The following PARP14 variants were observed in gnomAD, a reference collection of about 807,000 sequenced individuals.
PARP14 encodes protein mono-ADP-ribosyltransferase PARP14.
PARP14 carries 59 observed loss-of-function variants against 154.2 expected under a neutral mutation model. The observed-to-expected ratio is 0.38, with a 90% confidence interval of 0.31 to 0.48. The LOEUF (loss-of-function observed/expected upper bound fraction) is 0.48, where lower values mean the gene tolerates loss of function less well. Among genes scored for constraint, PARP14 ranks in the 20% least tolerant of loss-of-function variants. The pLI, the probability that PARP14 is intolerant of heterozygous loss-of-function variation, is 0.98. For synonymous variants in PARP14, 720 were observed against 780.5 expected (o/e 0.92, Z 1.29); for missense variants, 1,734 against 2,131.6 (o/e 0.81, Z 3.67).
At position 122,730,251 on chromosome 3, in the gene PARP14, A is replaced by C. The variant is rs1933393224; in HGVS notation, c.*1654A>C. The C allele has an allele frequency of 6.6e-6, 1 of 152,238 alleles. No homozygotes were observed. The highest frequency in any genetic ancestry group is 2.4e-5 in the African/African-American group (1 of 41,444). 9.4% of individuals were successfully genotyped at this position (152,238 alleles called of 1,614,324 possible). ...CACTGCAGAACATGGCCTCTAGATTAATGCCACCGATTCAGGAACACCTCC... is the reference window on the plus strand; with the variant it reads ...CACTGCAGAACATGGCCTCTAGATTCATGCCACCGATTCAGGAACACCTCC... On this transcript the variant is annotated 3_prime_UTR_variant, in exon 17 of 17. Transcript: ENST00000474629.
Position 122,701,076 on chromosome 3 carries a change from C to T in PARP14, c.2522C>T (p.Ala841Val), listed in dbSNP as rs758397415. 6.2e-7 allele frequency: 1 copy of T among 1,613,990 alleles called. No homozygotes were observed. The highest frequency in any genetic ancestry group is 1.1e-5 in the South Asian group (1 of 91,088). Residue 841 changes from alanine to valine, a missense_variant, in exon 6 of 17, where the codon GCT becomes GTT. Ala to Val is a moderately conservative substitution (Grantham distance 64). Around this residue, in one of 2 missense-constraint regions of PARP14, gnomAD observed 1,646 missense variants for 1,976.0 expected, o/e 0.83. Coordinates refer to ENST00000474629, the MANE Select transcript of PARP14 (RefSeq NM_017554.3). This position sits in a 1 kb window ranked among gnomAD's most constrained non-coding sequence, Gnocchi z 4.0. ...GGLAAALSKA[A>V]GPELQADCDQ... ...CTGGCCGCTGCGCTCTCAAAAGCAG[C>T]TGGCCCTGAGCTCCAGGCCGACTGT...
intron 1 of PARP14, among the ~76,000 whole-genome samples, chr3:122,682,590 T>C (rs911237720): frequency 6.6e-6 from 1 of 152,186 alleles, no homozygotes; most frequent in African/African-American, 2.4e-5. Context: ...AATTTTGTGA[T>C]GATAAAATAA....
intron 1 of PARP14, among the ~76,000 whole-genome samples, 168 bp from the exon 2 acceptor site, chr3:122,685,017 T>G (rs1433225804): frequency 6.6e-6 from 1 of 152,224 alleles, no homozygotes; most frequent in African/African-American, 2.4e-5. Flanking sequence ...GAAATTCAAA[T>G]CCATGTTTGC....
At chr3:122,691,450 G>A (rs149841407) in intron 3 of PARP14, among the ~76,000 whole-genome samples, 39 of 152,306 alleles carry the variant, frequency 2.6e-4, no homozygotes, top group East Asian at 5.8e-4. Flanking sequence ...AGCGGGCTTC[G>A]TATACAGCAG....
At chr3:122,685,128 T>A in intron 1 of PARP14, 57 bp from the exon 2 acceptor site, 13 of 1,595,180 alleles carry the variant, frequency 8.1e-6, no homozygotes, top group Non-Finnish European at 1.1e-5. Flanking sequence ...CATAGAATAA[T>A]TTTGTAAATA....
chr3:122,684,424 T>G (rs148850189), intron 1 of PARP14, among the ~76,000 whole-genome samples: 1 of 152,178 alleles, frequency 6.6e-6, no homozygotes, highest in African/African-American at 2.4e-5. Context: ...TTCTTGAGGA[T>G]GTTACAGTGT....
chr3:122,688,752 T>C (rs41341249), intron 3 of PARP14, among the ~76,000 whole-genome samples: 9,114 of 152,144 alleles, frequency 0.06, 318 homozygotes, highest in Middle Eastern at 0.088. Flanking sequence ...CTCCGGACAA[T>C]GAACCACAAC....
intron 3 of PARP14, among the ~76,000 whole-genome samples, chr3:122,690,425 A>G (rs970107914): frequency 1.3e-5 from 2 of 152,104 alleles, no homozygotes; most frequent in African/African-American, 4.8e-5. Flanking sequence ...GTGTGTGTGC[A>G]TGGCATGATA....
chr3:122,685,418 A>C, intron 2 of PARP14, 100 bp downstream of exon 2: 1 of 1,081,746 alleles, frequency 9.2e-7, no homozygotes, highest in Non-Finnish European at 1.4e-6. Context: ...AAAAGCATGA[A>C]GCAAACTGCA....
In PARP14 at chr3:122,701,812, T is replaced by C. The variant is rs1163626775; in HGVS notation, c.3081+177T>C. Among the ~76,000 whole-genome samples the C allele has an allele frequency of 6.6e-6, 1 of 152,210 alleles. No individual in the cohort carries two copies. Among genetic ancestry groups the C allele is most frequent in the Non-Finnish European group, 1.5e-5 (1 of 68,026 alleles). ...TTAGATAATTGGGCTTCTTACCAAA[T>C]CATTTACTAATAGAGATCGGCCAAT... On this transcript the variant is annotated intron_variant, in intron 6 of 16. Transcript: ENST00000474629. The surrounding 1 kb of genome is among the most constrained non-coding windows in gnomAD (Gnocchi z 4.0).
chr3:122,723,965 A>G (rs1465644167), intron 15 of PARP14, among the ~76,000 whole-genome samples: 2 of 152,172 alleles, frequency 1.3e-5, no homozygotes, highest in Non-Finnish European at 2.9e-5. Flanking sequence ...AAAAATCAGT[A>G]TGTTATATTT....
At chr3:122,693,675 C>CA (rs5852309) in intron 4 of PARP14, among the ~76,000 whole-genome samples, 6 of 151,220 alleles carry the variant, frequency 4.0e-5, no homozygotes, top group South Asian at 2.1e-4. Flanking sequence ...TGCATCTCTA[C>CA]AAAAAAAATA....
At chr3:122,696,372 G>A (rs1303479738) in intron 5 of PARP14, among the ~76,000 whole-genome samples, 1 of 152,178 alleles carries the variant, frequency 6.6e-6, no homozygotes, top group Non-Finnish European at 1.5e-5. Flanking sequence ...ATAGGATAAT[G>A]TGGTATGCCA....
In PARP14 at chr3:122,728,305, C is replaced by T. The variant is rs1431917961; in HGVS notation, c.5117-3C>T. 7 of 1,608,202 alleles carry T rather than the reference C, an allele frequency of 4.4e-6. No homozygotes were observed. The highest frequency in any genetic ancestry group is 5.1e-6 in the Non-Finnish European group (6 of 1,175,198). ...TGCTTAAAAATGGTTTTTCTTTTCACAGCTGTGGCATATGGAAAGGGAACC... is the reference window on the plus strand; with the variant it reads ...TGCTTAAAAATGGTTTTTCTTTTCATAGCTGTGGCATATGGAAAGGGAACC... On this transcript the variant is annotated splice_polypyrimidine_tract_variant and splice_region_variant and intron_variant, in intron 16 of 16. Coordinates refer to ENST00000474629, the MANE Select transcript of PARP14 (RefSeq NM_017554.3).
In PARP14 at chr3:122,729,645, G is replaced by C. The variant is rs537984641; in HGVS notation, c.*1048G>C. The C allele has an allele frequency of 1.3e-5, 2 of 152,240 alleles. No individual in the cohort carries two copies. Among genetic ancestry groups the C allele is most frequent in the East Asian group, 3.9e-4 (2 of 5,176 alleles). The allele number at this position is 152,240 out of a possible 1,614,324, so 9.4% of individuals were successfully genotyped here. On this transcript the variant is annotated 3_prime_UTR_variant, in exon 17 of 17. Transcript: ENST00000474629. ...GACGAGGTTTCTCCATGTTCGACAG[G>C]CTGGTCTCGAACTCCCACCTCAGCC... is the stretch of plus-strand genomic sequence containing the variant.
In PARP14 at chr3:122,692,475, A is replaced by G. The variant is rs1938573342; in HGVS notation, c.530A>G (p.Asn177Ser). 3 of 1,613,340 alleles carry G rather than the reference A, an allele frequency of 1.9e-6. No homozygotes were observed. The highest frequency in any genetic ancestry group is 2.7e-5 in the African/African-American group (2 of 75,058). The change falls in exon 4 of 17, where the codon AAT (asparagine) becomes AGT (serine). Residue 177 changes from asparagine to serine, a missense_variant. Physicochemically the swap from Asn to Ser is conservative, Grantham distance 46 (BLOSUM62 1). This residue lies in a region of PARP14 where 1,646 missense variants were observed against 1,976.0 expected (regional missense o/e 0.83). Coordinates refer to ENST00000474629, the MANE Select transcript of PARP14 (RefSeq NM_017554.3). Reference sequence around the variant, plus strand: ...GTGGAGAACATAAGTGGCCTGTCTAATGATGACTTTCAAGTGGAAATAATA... The same window carrying G: ...GTGGAGAACATAAGTGGCCTGTCTAGTGATGACTTTCAAGTGGAAATAATA... ...LLVENISGLS[N>S]DDFQVEIIRD...
chr3:122,700,033 G>C lies in PARP14; in HGVS notation c.1479G>C (p.Glu493Asp). The change falls in exon 6 of 17, where the codon GAG becomes GAC. Residue 493 changes from glutamate (E) to aspartate (D), a missense_variant. Coordinates refer to ENST00000474629, the MANE Select transcript of PARP14 (RefSeq NM_017554.3). ...GTCTACTGGACCATTTACTCACGGA[G>C]TGCCCAGAGATAGAGATTTGTTACG... ...HSSLLDHLLT[E>D]CPEIEICYDR... The C allele has an allele frequency of 6.2e-7, 1 of 1,613,968 alleles. No individual in the cohort carries two copies. The highest frequency in any genetic ancestry group is 1.3e-5 in the African/African-American group (1 of 75,046).
chr3:122,711,293 TAA>T, intron 9 of PARP14, among the ~76,000 whole-genome samples: 1 of 152,336 alleles, frequency 6.6e-6, no homozygotes, highest in South Asian at 2.1e-4. Context: ...GTTTTTATAA[TAA>T]AGTGGTGCTG....
chr3:122,700,314 A>G lies in PARP14; in HGVS notation c.1760A>G (p.Glu587Gly). The change falls in exon 6 of 17, where the codon GAA (glutamate) becomes GGA (glycine). Residue 587 changes from glutamate (E) to glycine (G), a missense_variant. Physicochemically the swap from Glu to Gly is moderately conservative, Grantham distance 98. Transcript: ENST00000474629. ...AGCTGTTCTTCTGAAGCCCTGTTAG[A>G]AGCAGAAAAGCAAATGCTCAGTGCC... ...LTSCSSEALL[E>G]AEKQMLSALN... 6.2e-7 allele frequency: 1 copy of G among 1,613,598 alleles called. No homozygotes were observed.
Sources: allele counts gnomAD v4.1 joint callset (sites outside exome capture counted in the v4.1 genomes callset), GRCh38; gene constraint gnomAD v4.1.1; regional missense constraint gnomAD v4.1.1; non-coding constraint Gnocchi (gnomAD v3.1); transcripts MANE v1.5; gene names NCBI Gene and HGNC (gene_info 2026-07-23, HGNC 2026-07-21).